Variants in ATXN10 observed in about 807,000 individuals in gnomAD.
ATXN10 encodes the protein ataxin 10, also known as ataxin-10.
A neutral mutation model predicts 52.9 loss-of-function variants in ATXN10; 28 were observed. That is an observed-to-expected ratio of 0.53 (90% CI 0.39 to 0.73). ATXN10 has a LOEUF of 0.73. ATXN10 is among the 30% of genes least tolerant of loss of function. The pLI, the probability that ATXN10 is intolerant of heterozygous loss-of-function variation, is 0.00. For missense variants in ATXN10, 565 were observed against 577.0 expected, an observed-to-expected ratio of 0.98 and a Z score of 0.21; for synonymous variants, 226 against 221.5, an observed-to-expected ratio of 1.02 and a Z score of -0.18.
At chr22:45,674,978 A>G (rs1402609341) in intron 1 of ATXN10, 1 of 152,196 alleles carries the variant, frequency 6.6e-6, no homozygotes, top group African/African-American at 2.4e-5. Context: ...ATCCTGGTTT[A>G]GTTTGTGAGG....
chr22:45,702,943 T>C (rs1923897847), intron 5 of ATXN10, 96 bp downstream of exon 5: 1 of 1,462,958 alleles, frequency 6.8e-7, no homozygotes, highest in Non-Finnish European at 9.5e-7. Flanking sequence ...ATTGTGATAA[T>C]TGAACGATAA....
At chr22:45,716,878 A>G (rs189487287) in intron 5 of ATXN10, among the ~76,000 whole-genome samples, 3 of 152,338 alleles carry the variant, frequency 2.0e-5, no homozygotes, top group African/African-American at 7.2e-5. Context: ...TACCAACACT[A>G]TGAAAGAATG....
chr22:45,729,377 ATAATT>A (rs1924997041), intron 6 of ATXN10, 43 bp from the exon 7 acceptor site: 1 of 1,590,412 alleles, frequency 6.3e-7, no homozygotes, highest in Admixed American at 1.7e-5. Flanking sequence ...TTAGCATTGT[ATAATT>A]TAAGTATTAT....
At chr22:45,822,537 T>C (rs938894005) in intron 10 of ATXN10, among the ~76,000 whole-genome samples, 2 of 145,822 alleles carry the variant, frequency 1.4e-5, no homozygotes, top group Non-Finnish European at 3.0e-5. Flanking sequence ...TTTTTTTTTT[T>C]TTTTTTTTTT....
At chr22:45,778,322 G>T (rs943099018) in intron 9 of ATXN10, among the ~76,000 whole-genome samples, 4 of 152,178 alleles carry the variant, frequency 2.6e-5, no homozygotes, top group Non-Finnish European at 5.9e-5. Flanking sequence ...CCTGCTCCAA[G>T]CTCAGGAAAT....
chr22:45,749,236 A>G (rs1290725447), intron 9 of ATXN10, among the ~76,000 whole-genome samples: 1 of 152,178 alleles, frequency 6.6e-6, no homozygotes, highest in Non-Finnish European at 1.5e-5. Context: ...CACTGGGTAC[A>G]TAGTGTAGTG....
intron 9 of ATXN10, among the ~76,000 whole-genome samples, chr22:45,746,197 A>G (rs1425801545): frequency 6.6e-6 from 1 of 151,662 alleles, no homozygotes; most frequent in Non-Finnish European, 1.5e-5. Flanking sequence ...CTGAATTTAC[A>G]GTTGTTAAAC....
chr22:45,726,929 C>T (rs959710256), intron 6 of ATXN10, among the ~76,000 whole-genome samples: 1 of 152,148 alleles, frequency 6.6e-6, no homozygotes, highest in African/African-American at 2.4e-5. Context: ...AATCCTCCTG[C>T]CTTTGCCTCC....
In ATXN10 at chr22:45,672,120, C is replaced by A. The variant is rs1372854487; in HGVS notation, c.57C>A (p.Pro19=). The change falls in exon 1 of 12, where the codon CCC becomes CCA. Residue 19 remains proline, a synonymous_variant. Transcript: ENST00000252934. ...TGTCGGGCGTCATGGTGCCGGCGCC[C>A]ATCCAAGACCTGGAGGCCCTGCGCG... The part of the protein sequence containing the change: ...ARLSGVMVPA[P]IQDLEALRAL... 2.6e-6 allele frequency: 4 copies of A among 1,540,480 alleles called. No homozygotes were observed. The highest frequency in any genetic ancestry group is 3.5e-6 in the Non-Finnish European group (4 of 1,145,648).
chr22:45,718,351 T>C lies in ATXN10; in HGVS notation c.648-62T>C. On this transcript the variant is annotated intron_variant, in intron 5 of 11. Coordinates refer to ENST00000252934, the MANE Select transcript of ATXN10 (RefSeq NM_013236.4). This position sits in a 1 kb window ranked among gnomAD's most constrained non-coding sequence, Gnocchi z 4.4. ...GTGTAAGTGGTGCCTATAAAGTAGA[T>C]AAGGGCATGTCTCTTTTACTATGTT... The C allele has an allele frequency of 8.0e-7, 1 of 1,251,774 alleles. No homozygotes were observed. The highest frequency in any genetic ancestry group is 1.2e-6 in the Non-Finnish European group (1 of 849,896). The allele number at this position is 1,251,774 out of a possible 1,614,324, so 77.5% of individuals were successfully genotyped here. A position where few individuals can be genotyped will look rare whatever the true frequency, so the allele number is the denominator to read the frequency against.
intron 7 of ATXN10, among the ~76,000 whole-genome samples, chr22:45,736,771 C>T (rs1254060321): frequency 2.0e-5 from 3 of 151,942 alleles, no homozygotes; most frequent in South Asian, 2.1e-4. Flanking sequence ...AGTAGTGTTT[C>T]GCTGTTGATG....
At position 45,833,200 on chromosome 22, in the gene ATXN10, G is replaced by A. The variant is rs762731479; in HGVS notation, c.1238-9791G>A. On this transcript the variant is annotated intron_variant, in intron 10 of 11. Transcript: ENST00000252934. This position sits in a 1 kb window ranked among gnomAD's most constrained non-coding sequence, Gnocchi z 4.3. ...ATCATAGAGTCCTTGGGAAGCGCAC[G>A]CATCTGGTATCTGTCCCTGTTCACC... is the stretch of plus-strand genomic sequence containing the variant. Among the ~76,000 whole-genome samples the A allele has an allele frequency of 3.4e-4, 51 of 152,178 alleles. No individual in the cohort carries two copies. The highest frequency in any genetic ancestry group is 7.4e-5 in the Non-Finnish European group (5 of 68,020).
intron 9 of ATXN10, chr22:45,793,538 T>C: frequency 8.0e-7 from 1 of 1,249,154 alleles, no homozygotes; most frequent in African/African-American, 1.5e-5. Context: ...CAAATAATTC[T>C]GTCAAGCTCT....
Position 45,824,084 on chromosome 22 carries a change from G to A in ATXN10, c.1237+17062G>A, listed in dbSNP as rs1928741319. Reference sequence around the variant, plus strand: ...GGTATGCAGTAAGTTCTGGAGCAGGGACTTACCTTCCTACCTTCCTTTGCC... The same window carrying A: ...GGTATGCAGTAAGTTCTGGAGCAGGAACTTACCTTCCTACCTTCCTTTGCC... On this transcript the variant is annotated intron_variant, in intron 10 of 11. Transcript: ENST00000252934. The surrounding 1 kb of genome is among the most constrained non-coding windows in gnomAD (Gnocchi z 5.2). Among the ~76,000 whole-genome samples, 1 of 152,126 alleles carries A rather than the reference G, an allele frequency of 6.6e-6. No homozygotes were observed. The highest frequency in any genetic ancestry group is 1.5e-5 in the Non-Finnish European group (1 of 68,026).
chr22:45,724,770 C>A (rs1015986448), intron 6 of ATXN10, among the ~76,000 whole-genome samples: 1 of 152,080 alleles, frequency 6.6e-6, no homozygotes, highest in African/African-American at 2.4e-5. Flanking sequence ...CCTAGGTTTT[C>A]TCCTAGAATT....
In ATXN10 at chr22:45,688,547, A is replaced by G. The variant is rs762453068; in HGVS notation, c.117-1165A>G. Among the ~76,000 whole-genome samples the G allele has an allele frequency of 7.9e-5, 12 of 152,188 alleles. No individual in the cohort carries two copies. Among genetic ancestry groups the G allele is most frequent in the Non-Finnish European group, 1.8e-4 (12 of 68,014 alleles). The stretch of plus-strand genomic sequence containing the variant: ...TAAAAACACACATCACTTGGTGTAT[A>G]AGAAGCCATGGTACTGAAGTTCAAG... On this transcript the variant is annotated intron_variant, in intron 1 of 11. Coordinates refer to ENST00000252934, the MANE Select transcript of ATXN10 (RefSeq NM_013236.4). The surrounding 1 kb of genome is among the most constrained non-coding windows in gnomAD (Gnocchi z 4.0).
At chr22:45,682,977 A>G (rs1236641003) in intron 1 of ATXN10, among the ~76,000 whole-genome samples, 1 of 152,156 alleles carries the variant, frequency 6.6e-6, no homozygotes, top group Non-Finnish European at 1.5e-5. Context: ...AAAGCAGCCA[A>G]AGAGATCCTT....
intron 9 of ATXN10, 136 bp downstream of exon 9, chr22:45,740,674 A>G (rs1925476651): frequency 3.7e-6 from 2 of 544,976 alleles, no homozygotes; most frequent in Non-Finnish European, 6.5e-6. Context: ...TATATTTTAT[A>G]TGAATACACA....
At chr22:45,673,111 T>A (rs1361264489) in intron 1 of ATXN10, 1 of 152,238 alleles carries the variant, frequency 6.6e-6, no homozygotes, top group Non-Finnish European at 1.5e-5. Context: ...TATTAAATCC[T>A]TAGGACATAC....
Sources: allele counts gnomAD v4.1 joint callset (sites outside exome capture counted in the v4.1 genomes callset), GRCh38; gene constraint gnomAD v4.1.1; non-coding constraint Gnocchi (gnomAD v3.1); transcripts MANE v1.5; gene names NCBI Gene and HGNC (gene_info 2026-07-23, HGNC 2026-07-21).